Variants in EFEMP1 observed in about 807,000 individuals in gnomAD.
EFEMP1 encodes EGF-containing fibulin-like extracellular matrix protein 1.
In EFEMP1, 18 loss-of-function variants were observed where a neutral mutation model predicts 65.7. The ratio of observed to expected loss-of-function variants is 0.27; its 90% CI spans 0.19 to 0.41. The LOEUF (loss-of-function observed/expected upper bound fraction) is 0.41. EFEMP1 is among the 10% of genes least tolerant of loss of function. The pLI, the probability that EFEMP1 is intolerant of heterozygous loss-of-function variation, is 1.00. For missense variants in EFEMP1, 469 were observed against 624.8 expected (o/e 0.75, Z 2.66); for synonymous variants, 237 against 219.7 (o/e 1.08, Z -0.70).
Position 55,922,413 on chromosome 2 carries a change from G to C in EFEMP1, c.28C>G (p.Leu10Val). 6.2e-7 allele frequency: 1 copy of C among 1,613,830 alleles called. No individual in the cohort carries two copies. The highest frequency in any genetic ancestry group is 1.1e-5 in the South Asian group (1 of 91,072). Residue 10 changes from leucine (L) to valine (V), a missense_variant, in exon 3 of 12, where the codon CTG becomes GTG. Transcript: ENST00000355426. The surrounding 1 kb of genome is among the most constrained non-coding windows in gnomAD (Gnocchi z 5.5). ...TGTGACTTGACCAGCGCCAGAGTCA[G>C]CATAGTTAGGAAAAGGGCTTTCAAC... MLKALFLTM[L>V]TLALVKSQDT...
chr2:55,921,988 T>C lies in EFEMP1; in HGVS notation c.81+372A>G, dbSNP rs1431554434. On this transcript the variant is annotated intron_variant, in intron 3 of 11. Transcript: ENST00000355426. This position sits in a 1 kb window ranked among gnomAD's most constrained non-coding sequence, Gnocchi z 4.1. ...ACGTTCTTACTTGACTTGAGTCTTA[T>C]TCTGCACGTATTGGTTTTATCTGCA... 1 of 324,900 alleles carries C rather than the reference T, an allele frequency of 3.1e-6. No individual in the cohort carries two copies. The highest frequency in any genetic ancestry group is 6.0e-6 in the Non-Finnish European group (1 of 166,612). 20.1% of individuals were successfully genotyped at this position (324,900 alleles called of 1,614,324 possible).
At chr2:55,887,811 G>T (rs562285140) in intron 5 of EFEMP1, among the ~76,000 whole-genome samples, 1 of 152,268 alleles carries the variant, frequency 6.6e-6, no homozygotes, top group African/African-American at 2.4e-5. Flanking sequence ...GTTTTAGAGA[G>T]TGGCGAAATC....
rs1174086514 is a variant in EFEMP1 at position 55,873,417 on chromosome 2, C to T, written c.1000+1529G>A. Reference sequence around the variant, plus strand: ...ATTACAATAGATATAAATGTTTCCACATAGATAGGCTAGGCAGGTCGGATC... The same window carrying T: ...ATTACAATAGATATAAATGTTTCCATATAGATAGGCTAGGCAGGTCGGATC... On this transcript the variant is annotated intron_variant, in intron 9 of 11. Transcript: ENST00000355426. This position sits in a 1 kb window ranked among gnomAD's most constrained non-coding sequence, Gnocchi z 4.6. Among the ~76,000 whole-genome samples the T allele has an allele frequency of 6.6e-6, 1 of 152,044 alleles. No individual in the cohort carries two copies. The highest frequency in any genetic ancestry group is 1.5e-5 in the Non-Finnish European group (1 of 67,964).
rs745516813 is a variant in EFEMP1, at chr2:55,922,239, T to G, written c.81+121A>C. The stretch of plus-strand genomic sequence containing the variant: ...TTAGATATGAAGCATGAATGAAGTG[T>G]TGTTTAATTTATCACCCTCAGCAGA... On this transcript the variant is annotated intron_variant, in intron 3 of 11. Transcript: ENST00000355426. This position sits in a 1 kb window ranked among gnomAD's most constrained non-coding sequence, Gnocchi z 5.5. 61 of 906,008 alleles carry G rather than the reference T, an allele frequency of 6.7e-5. No homozygotes were observed. The highest frequency in any genetic ancestry group is 1.0e-4 in the Non-Finnish European group (58 of 554,086). The allele number at this position is 906,008 out of a possible 1,614,324, so 56.1% of individuals were successfully genotyped here.
At chr2:55,902,938 G>C (rs1316423388) in intron 5 of EFEMP1, among the ~76,000 whole-genome samples, 1 of 152,208 alleles carries the variant, frequency 6.6e-6, no homozygotes, top group Non-Finnish European at 1.5e-5. Flanking sequence ...CCTAGACAAA[G>C]TGCACTCATT....
chr2:55,882,883 G>T (rs1014933143), intron 5 of EFEMP1, among the ~76,000 whole-genome samples: 10 of 152,084 alleles, frequency 6.6e-5, no homozygotes, highest in Admixed American at 1.3e-4. Flanking sequence ...GGAAGAAAAA[G>T]TAGGGAAAGA....
intron 5 of EFEMP1, among the ~76,000 whole-genome samples, chr2:55,899,974 C>T (rs1375193390): frequency 1.3e-5 from 2 of 151,590 alleles, no homozygotes; most frequent in Non-Finnish European, 2.9e-5. Flanking sequence ...ATTTTTTTTT[C>T]CCCTAAAGAA....
intron 5 of EFEMP1, among the ~76,000 whole-genome samples, chr2:55,882,895 TCAA>T (rs1405983644): frequency 6.6e-6 from 1 of 152,096 alleles, no homozygotes; most frequent in Admixed American, 6.6e-5. Flanking sequence ...AGGGAAAGAA[TCAA>T]TAATAAAAAA....
chr2:55,922,208 C>T lies in EFEMP1; in HGVS notation c.81+152G>A, dbSNP rs1319164692. ...AAAGGATCAAGGGGGCAATTTACAA[C>T]GAATCTTAGATATGAAGCATGAATG... On this transcript the variant is annotated intron_variant, in intron 3 of 11. Coordinates refer to ENST00000355426, the MANE Select transcript of EFEMP1 (RefSeq NM_001039348.3). This position sits in a 1 kb window ranked among gnomAD's most constrained non-coding sequence, Gnocchi z 5.5. 7 of 760,658 alleles carry T rather than the reference C, an allele frequency of 9.2e-6. No individual in the cohort carries two copies. The highest frequency in any genetic ancestry group is 1.6e-5 in the Non-Finnish European group (7 of 445,384). The allele number at this position is 760,658 out of a possible 1,614,324, so 47.1% of individuals were successfully genotyped here.
Position 55,922,414 on chromosome 2 carries a change from C to T in EFEMP1, c.27G>A (p.Met9Ile). 1 of 1,613,808 alleles carries T rather than the reference C, an allele frequency of 6.2e-7. No homozygotes were observed. The highest frequency in any genetic ancestry group is 8.5e-7 in the Non-Finnish European group (1 of 1,179,796). The change falls in exon 3 of 12, where the codon ATG (methionine) becomes ATA (isoleucine). Residue 9 changes from methionine (M) to isoleucine (I), a missense_variant. By Grantham distance (10) the Met-to-Ile change is conservative. Coordinates refer to ENST00000355426, the MANE Select transcript of EFEMP1 (RefSeq NM_001039348.3). This position sits in a 1 kb window ranked among gnomAD's most constrained non-coding sequence, Gnocchi z 5.5. MLKALFLT[M>I]LTLALVKSQD... ...GTGACTTGACCAGCGCCAGAGTCAG[C>T]ATAGTTAGGAAAAGGGCTTTCAACA...
intron 5 of EFEMP1, among the ~76,000 whole-genome samples, chr2:55,911,063 C>A (rs868847401): frequency 6.6e-6 from 1 of 152,218 alleles, no homozygotes; most frequent in African/African-American, 2.4e-5. Context: ...GTCTCACCTA[C>A]TGACAATTTA....
chr2:55,922,474 T>G lies in EFEMP1; in HGVS notation c.-7-27A>C. ...TCAAAGAAAATACAGGACAAACTAA[T>G]GTTTAGTATCTGCTGCGGGGAAAGT... On this transcript the variant is annotated intron_variant, in intron 2 of 11. Transcript: ENST00000355426. This position sits in a 1 kb window ranked among gnomAD's most constrained non-coding sequence, Gnocchi z 5.5. The G allele has an allele frequency of 6.3e-7, 1 of 1,598,658 alleles. No individual in the cohort carries two copies. Among genetic ancestry groups the G allele is most frequent in the Non-Finnish European group, 8.6e-7 (1 of 1,166,512 alleles).
intron 5 of EFEMP1, among the ~76,000 whole-genome samples, chr2:55,889,340 T>G (rs2104404998): frequency 6.6e-6 from 1 of 152,344 alleles, no homozygotes; most frequent in Admixed American, 6.5e-5. Context: ...TTGGCAATAC[T>G]TCTCCAACTC....
rs538886722 is a variant in EFEMP1, at chr2:55,923,662, C to G, written c.-49+49G>C. The G allele has an allele frequency of 3.0e-6, 3 of 985,760 alleles. 1 individual carries two copies. The South Asian group carries it at 1.4e-4, about 46-fold the overall frequency. 61.1% of individuals were successfully genotyped at this position (985,760 alleles called of 1,614,324 possible). On this transcript the variant is annotated intron_variant, in intron 1 of 11. Coordinates refer to ENST00000355426, the MANE Select transcript of EFEMP1 (RefSeq NM_001039348.3). This position sits in a 1 kb window ranked among gnomAD's most constrained non-coding sequence, Gnocchi z 5.3. ...CCACCTCACTCTCCCGCGCGCGGCCCAGTGAGTACTGGGCTCGCTCGGGGC... is the reference window on the plus strand; with the variant it reads ...CCACCTCACTCTCCCGCGCGCGGCCGAGTGAGTACTGGGCTCGCTCGGGGC...
chr2:55,913,825 C>T (rs1443135999), intron 5 of EFEMP1, among the ~76,000 whole-genome samples: 1 of 151,758 alleles, frequency 6.6e-6, no homozygotes, highest in African/African-American at 2.4e-5. Context: ...GCCTGGCCAA[C>T]ATGGTGAAAC....
chr2:55,902,957 G>A (rs2104428053), intron 5 of EFEMP1, among the ~76,000 whole-genome samples: 1 of 152,308 alleles, frequency 6.6e-6, no homozygotes, highest in South Asian at 2.1e-4. Flanking sequence ...TTTTCTCTCT[G>A]TCTCTTTCTC....
rs551041077 is a variant in EFEMP1, at chr2:55,883,210, A to T, written c.518-1476T>A. ...AGCATCCACTTACGTAATTCTTTGAACTTGGTTTTAAAGTTTTGGCTAAGG... is the reference window on the plus strand; with the variant it reads ...AGCATCCACTTACGTAATTCTTTGATCTTGGTTTTAAAGTTTTGGCTAAGG... On this transcript the variant is annotated intron_variant, in intron 5 of 11. Transcript: ENST00000355426. This position sits in a 1 kb window ranked among gnomAD's most constrained non-coding sequence, Gnocchi z 4.5. 6.6e-6 allele frequency among the ~76,000 whole-genome samples: 1 copy of T among 152,186 alleles called. No individual in the cohort carries two copies. Among genetic ancestry groups the T allele is most frequent in the Admixed American group, 6.5e-5 (1 of 15,292 alleles).
At chr2:55,905,119 C>T (rs1670203077) in intron 5 of EFEMP1, among the ~76,000 whole-genome samples, 1 of 151,402 alleles carries the variant, frequency 6.6e-6, no homozygotes, top group Non-Finnish European at 1.5e-5. Flanking sequence ...TTCTTCTTTT[C>T]CTATCTTCTC....
chr2:55,909,646 A>G (rs139487859), intron 5 of EFEMP1, among the ~76,000 whole-genome samples: 368 of 152,264 alleles, frequency 2.4e-3, no homozygotes, highest in Non-Finnish European at 4.4e-3. Flanking sequence ...CAGCGAGGAA[A>G]CAGACTTTTG....
Sources: gnomAD v4.1 joint callset for allele counts (sites outside exome capture counted in the v4.1 genomes callset) on GRCh38, gnomAD v4.1.1 for gene constraint, Gnocchi (gnomAD v3.1) non-coding constraint, MANE v1.5 for transcripts, NCBI Gene and HGNC (gene_info 2026-07-23, HGNC 2026-07-21) for gene names.